Variants in SERPINA3 observed in about 807,000 individuals in gnomAD.
The protein encoded by SERPINA3 is serpin family A member 3.
SERPINA3 carries 32 observed loss-of-function variants against 26.8 expected under a neutral mutation model. That is an observed-to-expected ratio of 1.20 (90% confidence interval 0.90 to 1.61). The LOEUF (loss-of-function observed/expected upper bound fraction) is 1.61, where lower values mean the gene tolerates loss of function less well. SERPINA3 is among the 40% of genes most tolerant of loss of function. The pLI is 0.00. For synonymous variants in SERPINA3, 252 were observed against 206.4 expected, an observed-to-expected ratio of 1.22 and a Z score of -1.89; for missense variants, 632 against 517.9, an observed-to-expected ratio of 1.22 and a Z score of -2.14.
chr14:94,622,683 G>T (rs993395024), intron 4 of SERPINA3, 192 bp downstream of exon 4: 3 of 662,194 alleles, frequency 4.5e-6, no homozygotes, highest in African/African-American at 3.6e-5. Context: ...CGTGTTAGGG[G>T]TTGAGCCTCT....
chr14:94,617,237 C>T (rs145583032), intron 2 of SERPINA3, among the ~76,000 whole-genome samples: 2 of 152,294 alleles, frequency 1.3e-5, no homozygotes, highest in African/African-American at 4.8e-5. Flanking sequence ...GAGATGGGTC[C>T]TTTCTCCAAG....
chr14:94,622,207 A>G (rs1886224868), intron 3 of SERPINA3, 134 bp from the exon 4 acceptor site: 1 of 808,058 alleles, frequency 1.2e-6, no homozygotes, highest in Admixed American at 1.9e-5. Context: ...TAAGAAATTG[A>G]GGAACAGATT....
At chr14:94,614,331 A>G in intron 1 of SERPINA3, 103 bp from the exon 2 acceptor site, 1 of 1,161,600 alleles carries the variant, frequency 8.6e-7, no homozygotes, top group Non-Finnish European at 1.3e-6. Flanking sequence ...AGCTAGCAAG[A>G]GGCAGCAGGA....
At chr14:94,615,404 C>T (rs536268236) in intron 2 of SERPINA3, 15 of 489,952 alleles carry the variant, frequency 3.1e-5, no homozygotes, top group East Asian at 2.8e-4. Context: ...CACTCCAGGG[C>T]GCGTAGGAGC....
intron 4 of SERPINA3, 90 bp downstream of exon 4, chr14:94,622,581 G>A: frequency 7.0e-7 from 1 of 1,422,600 alleles, no homozygotes; most frequent in South Asian, 1.2e-5. Context: ...CTTGAACTTG[G>A]GTTAATGCAC....
intron 2 of SERPINA3, among the ~76,000 whole-genome samples, chr14:94,616,799 T>C (rs1886021775): frequency 6.6e-6 from 1 of 152,160 alleles, no homozygotes. Context: ...AGAGATCAGA[T>C]ACTAAAGACA....
Position 94,614,418 on chromosome 14 carries a change from G to T in SERPINA3, c.-8-16G>T. 1 of 1,610,864 alleles carries T rather than the reference G, an allele frequency of 6.2e-7. No homozygotes were observed. On this transcript the variant is annotated splice_polypyrimidine_tract_variant and intron_variant, in intron 1 of 4. Transcript: ENST00000393078. ...CCATCTGGCCCTCTGAGACTTAAAG[G>T]AGCTTTGCTTTTCAGAGTTGAGAAT...
chr14:94,616,433 C>T (rs780173278), intron 2 of SERPINA3, among the ~76,000 whole-genome samples: 14 of 152,156 alleles, frequency 9.2e-5, no homozygotes, highest in East Asian at 1.9e-4. Context: ...GTGTATGTGA[C>T]GGGGCTTGGT....
At chr14:94,616,718 C>A (rs1036112143) in intron 2 of SERPINA3, among the ~76,000 whole-genome samples, 4 of 152,090 alleles carry the variant, frequency 2.6e-5, no homozygotes, top group Admixed American at 1.3e-4. Context: ...AAACGGTTTT[C>A]GTCTTTTCTC....
Position 94,618,569 on chromosome 14 carries a change from C to T in SERPINA3, c.644-626C>T, listed in dbSNP as rs1180291147. The T allele has an allele frequency of 4.2e-5, 7 of 166,838 alleles. No individual in the cohort carries two copies. In the East Asian group the frequency reaches 4.9e-4, roughly 12 times the overall value. The allele number at this position is 166,838 out of a possible 1,614,324, so 10.3% of individuals were successfully genotyped here. A position where few individuals can be genotyped will look rare whatever the true frequency, so the allele number is the denominator to read the frequency against. ...TCATGGCTTTTGTGATGTCCAACAC[C>T]GCTATCCTCTAAGATGTCACAAGTG... On this transcript the variant is annotated intron_variant, in intron 2 of 4. Transcript: ENST00000393078.
chr14:94,618,380 A>C (rs1398651025), intron 2 of SERPINA3: 1 of 152,112 alleles, frequency 6.6e-6, no homozygotes, highest in Non-Finnish European at 1.5e-5. Flanking sequence ...GTTTCATGGA[A>C]TTTTACCTTT....
rs1426284697 is a variant in SERPINA3, at chr14:94,623,664, TGCCAC to T, written c.1123_1127del (p.Ala375SerfsTer59). Reference sequence around the variant, plus strand: ...TTGAGGAGGGCACAGAAGCATCTGCTGCCACAGCAGTCAAAATCACCCTCCTTTCT... The same window carrying T: ...TTGAGGAGGGCACAGAAGCATCTGCTAGCAGTCAAAATCACCCTCCTTTCT... On this transcript the variant is annotated frameshift_variant, in exon 5 of 5. Transcript: ENST00000393078. LOFTEE classifies it low-confidence loss of function (END_TRUNC). The T allele has an allele frequency of 1.2e-6, 2 of 1,614,080 alleles. No individual in the cohort carries two copies. The highest frequency in any genetic ancestry group is 1.7e-6 in the Non-Finnish European group (2 of 1,180,036).
Position 94,622,350 on chromosome 14 carries a change from T to C in SERPINA3, c.927T>C (p.Gly309=). 6.2e-7 allele frequency: 1 copy of C among 1,613,916 alleles called. No individual in the cohort carries two copies. The highest frequency in any genetic ancestry group is 8.5e-7 in the Non-Finnish European group (1 of 1,180,002). Residue 309 remains glycine, a synonymous_variant, in exon 4 of 5, where the codon GGT becomes GGC. Transcript: ENST00000393078. ...WRDSLEFREI[G]ELYLPKFSIS... is the part of the protein sequence containing the mutation. ...TTTTCTCGTTTTCTAGAGAGATAGG[T>C]GAGCTCTACCTGCCAAAGTTTTCCA...
At position 94,623,927 on chromosome 14, in the gene SERPINA3, GC is replaced by G; in HGVS notation, c.*116del. On this transcript the variant is annotated 3_prime_UTR_variant, in exon 5 of 5. Coordinates refer to ENST00000393078, the MANE Select transcript of SERPINA3 (RefSeq NM_001085.5). ...GCACCGAGTGGCCATGGCATGTGTG[GC>G]CCTGTCTGCTTATCCTTGGAAGGTG... 2 of 909,756 alleles carry G rather than the reference GC, an allele frequency of 2.2e-6. No homozygotes were observed. 56.4% of individuals were successfully genotyped at this position (909,756 alleles called of 1,614,324 possible).
chr14:94,622,425 GGAAGCCTT>G lies in SERPINA3; in HGVS notation c.1003_1010del (p.Glu335HisfsTer5), dbSNP rs775064808. On this transcript the variant is annotated frameshift_variant, in exon 4 of 5. Transcript: ENST00000393078. LOFTEE classifies it high-confidence loss of function. The stretch of plus-strand genomic sequence containing the variant: ...ACATACTTCTCCAGCTGGGCATTGA[GGAAGCCTT>G]CACCAGCAAGGCTGACCTGTCAGGG... 9.9e-6 allele frequency: 16 copies of G among 1,614,022 alleles called. No homozygotes were observed. Among genetic ancestry groups the G allele is most frequent in the Non-Finnish European group, 1.3e-5 (15 of 1,180,020 alleles).
chr14:94,623,757 T>C lies in SERPINA3; in HGVS notation c.1215T>C (p.Pro405=), dbSNP rs758731563. Residue 405 remains proline, a synonymous_variant, in exon 5 of 5, where the codon CCT becomes CCC. Coordinates refer to ENST00000393078, the MANE Select transcript of SERPINA3 (RefSeq NM_001085.5). ...FNRPFLMIIV[P]TDTQNIFFMS... ...GGCCCTTCCTGATGATCATTGTCCC[T>C]ACAGACACCCAGAACATCTTCTTCA... The C allele has an allele frequency of 6.2e-7, 1 of 1,614,048 alleles. No homozygotes were observed. The highest frequency in any genetic ancestry group is 1.3e-5 in the African/African-American group (1 of 74,914).
chr14:94,614,373 A>G (rs990216946), intron 1 of SERPINA3, 61 bp from the exon 2 acceptor site: 14 of 1,527,166 alleles, frequency 9.2e-6, no homozygotes, highest in Non-Finnish European at 1.2e-5. Flanking sequence ...GGTGGAGGGC[A>G]GTGGGAGGTG....
chr14:94,619,323 G>A lies in SERPINA3; in HGVS notation c.772G>A (p.Glu258Lys), dbSNP rs1886112396. 1.9e-6 allele frequency: 3 copies of A among 1,614,070 alleles called. No homozygotes were observed. The highest frequency in any genetic ancestry group is 2.7e-5 in the African/African-American group (2 of 74,916). Reference sequence around the variant, plus strand: ...GACTATACCTTACTTCCGGGACGAGGAGCTGTCCTGCACCGTGGTGGAGCT... The same window carrying A: ...GACTATACCTTACTTCCGGGACGAGAAGCTGTCCTGCACCGTGGTGGAGCT... ...HLTIPYFRDE[E>K]LSCTVVELKY... Residue 258 changes from glutamate to lysine, a missense_variant, in exon 3 of 5, where the codon GAG becomes AAG. Glu to Lys is a moderately conservative substitution (Grantham distance 56). Coordinates refer to ENST00000393078, the MANE Select transcript of SERPINA3 (RefSeq NM_001085.5).
chr14:94,623,584 G>A (rs201098274), intron 4 of SERPINA3, 27 bp from the exon 5 acceptor site: 123 of 1,608,708 alleles, frequency 7.6e-5, no homozygotes, highest in South Asian at 3.2e-4. Context: ...TGTGTTTCCC[G>A]TGTGTAATGT....
Sources: allele counts gnomAD v4.1 joint callset (sites outside exome capture counted in the v4.1 genomes callset), GRCh38; gene constraint gnomAD v4.1.1; transcripts MANE v1.5; gene names NCBI Gene and HGNC (gene_info 2026-07-23, HGNC 2026-07-21).